ZNF737: variants seen among roughly 807,000 people sequenced by gnomAD.
ZNF737 encodes zinc finger protein 737, also known as zinc finger protein 102 (Y3).
ZNF737 carries 13 observed loss-of-function variants against 11.7 expected under a neutral mutation model. The observed-to-expected ratio is 1.11, with a 90% confidence interval of 0.73 to 1.77. The LOEUF (loss-of-function observed/expected upper bound fraction) is 1.77. Among genes scored for constraint, ZNF737 ranks in the 40% most tolerant of loss-of-function variants. The pLI is 0.00. For missense variants in ZNF737, 636 were observed against 638.0 expected (o/e 1.00, Z 0.03); for synonymous variants, 217 against 216.2 (o/e 1.00, Z -0.03).
chr19:20,539,734 T>A lies in ZNF737; in HGVS notation c.*4858A>T. The A allele has an allele frequency of 1.0e-6, 1 of 984,136 alleles. No individual in the cohort carries two copies. The highest frequency in any genetic ancestry group is 1.2e-6 in the Non-Finnish European group (1 of 828,728). The allele number at this position is 984,136 out of a possible 1,614,324, so 61.0% of individuals were successfully genotyped here. A position where few individuals can be genotyped will look rare whatever the true frequency, so the allele number is the denominator to read the frequency against. ...AAATATGAAAACAGACAATTAGGTA[T>A]ACTTTTTGAAGTAAGTTCAATTTTA... On this transcript the variant is annotated 3_prime_UTR_variant, in exon 4 of 4. Transcript: ENST00000427401.
In ZNF737 at chr19:20,538,340, C is replaced by T. The variant is rs1425535554; in HGVS notation, c.*6252G>A. Among the ~76,000 whole-genome samples, 1 of 152,200 alleles carries T rather than the reference C, an allele frequency of 6.6e-6. No individual in the cohort carries two copies. The highest frequency in any genetic ancestry group is 1.5e-5 in the Non-Finnish European group (1 of 68,032). On this transcript the variant is annotated 3_prime_UTR_variant, in exon 4 of 4. Coordinates refer to ENST00000427401, the MANE Select transcript of ZNF737 (RefSeq NM_001159293.2). Reference sequence around the variant, plus strand: ...TCCTCCTTATTTGAAGGTATTTTTACCTTTCTCAGCATTCCACAAGTTACT... The same window carrying T: ...TCCTCCTTATTTGAAGGTATTTTTATCTTTCTCAGCATTCCACAAGTTACT...
chr19:20,560,172 CAAAAAA>C (rs71172600), intron 1 of ZNF737, among the ~76,000 whole-genome samples: 1 of 70,732 alleles, frequency 1.4e-5, no homozygotes. Context: ...GACTCCGTCT[CAAAAAA>C]AAAAAAAAAA....
Position 20,542,078 on chromosome 19 carries a change from T to C in ZNF737, c.*2514A>G. 1.0e-6 allele frequency: 1 copy of C among 985,270 alleles called. No individual in the cohort carries two copies. The highest frequency in any genetic ancestry group is 1.2e-6 in the Non-Finnish European group (1 of 829,762). The allele number at this position is 985,270 out of a possible 1,614,324, so 61.0% of individuals were successfully genotyped here. On this transcript the variant is annotated 3_prime_UTR_variant, in exon 4 of 4. Coordinates refer to ENST00000427401, the MANE Select transcript of ZNF737 (RefSeq NM_001159293.2). ...ACAGTGATTACTAAAGATGTTATTT[T>C]ACAATGTATGAAATAGTATATTCCT...
chr19:20,540,182 G>C lies in ZNF737; in HGVS notation c.*4410C>G. On this transcript the variant is annotated 3_prime_UTR_variant, in exon 4 of 4. Transcript: ENST00000427401. ...GGCCACCATAAGCAGCTTACAACATGTTCTACCTAGAAGTCACTTACTTTC... is the reference window on the plus strand; with the variant it reads ...GGCCACCATAAGCAGCTTACAACATCTTCTACCTAGAAGTCACTTACTTTC... 1.0e-6 allele frequency: 1 copy of C among 984,706 alleles called. No individual in the cohort carries two copies. 61.0% of individuals were successfully genotyped at this position (984,706 alleles called of 1,614,324 possible).
chr19:20,531,011 C>T (rs1247697240), downstream of ZNF737, among the ~76,000 whole-genome samples: 18 of 148,344 alleles, frequency 1.2e-4, no homozygotes, highest in South Asian at 4.5e-4. Context: ...GGATCACTCG[C>T]GGTTAGGAGC....
In ZNF737 at chr19:20,544,712, A is replaced by G. The variant is rs782776086; in HGVS notation, c.1491T>C (p.Thr497=). 29 of 1,606,624 alleles carry G rather than the reference A, an allele frequency of 1.8e-5. No individual in the cohort carries two copies. Among genetic ancestry groups the G allele is most frequent in the African/African-American group, 2.7e-5 (2 of 73,156 alleles). ...GKAFKRSFIL[T]RHKRIHTGEK... ...CTCCAGTATGAATTCTCTTATGTCT[A>G]GTAAGGATAAAGGAGCGCTTAAAAG... The change falls in exon 4 of 4, where the codon ACT becomes ACC. Residue 497 remains threonine, a synonymous_variant. Transcript: ENST00000427401.
chr19:20,535,566 C>T (rs1455030550), downstream of ZNF737, among the ~76,000 whole-genome samples: 1 of 149,656 alleles, frequency 6.7e-6, no homozygotes, highest in East Asian at 2.0e-4. Flanking sequence ...GCTTTTGTCA[C>T]CCAAGCTGGA....
chr19:20,538,222 T>G lies in ZNF737; in HGVS notation c.*6370A>C, dbSNP rs1200979346. On this transcript the variant is annotated 3_prime_UTR_variant, in exon 4 of 4. Coordinates refer to ENST00000427401, the MANE Select transcript of ZNF737 (RefSeq NM_001159293.2). ...GCTAAGCACAATTAAAAAATCAATG[T>G]ACTTTATGTTCTTAGCTCCCACAAT... 2 of 165,542 alleles carry G rather than the reference T, an allele frequency of 1.2e-5. No homozygotes were observed. The highest frequency in any genetic ancestry group is 2.5e-5 in the Non-Finnish European group (2 of 80,230). The allele number at this position is 165,542 out of a possible 1,614,324, so 10.3% of individuals were successfully genotyped here.
At position 20,544,122 on chromosome 19, in the gene ZNF737, T is replaced by G. The variant is rs1312611949; in HGVS notation, c.*470A>C. ...CAGCTTGGATGACAAGCATGAAACT[T>G]CATCTCAAAAAAAAAAATATTGAAA... On this transcript the variant is annotated 3_prime_UTR_variant, in exon 4 of 4. Transcript: ENST00000427401. The G allele has an allele frequency of 4.0e-6, 4 of 1,000,412 alleles. No individual in the cohort carries two copies. Among genetic ancestry groups the G allele is most frequent in the Non-Finnish European group, 4.8e-6 (4 of 837,976 alleles). 62.0% of individuals were successfully genotyped at this position (1,000,412 alleles called of 1,614,324 possible).
chr19:20,557,307 T>C (rs2562619), intron 1 of ZNF737, among the ~76,000 whole-genome samples: 104,733 of 151,950 alleles, frequency 0.69, 37,733 homozygotes, highest in African/African-American at 0.91. Context: ...AGCCAAAACT[T>C]TGATCTCTTC....
chr19:20,549,947 AAT>A (rs1968606692), intron 3 of ZNF737, among the ~76,000 whole-genome samples: 1 of 144,244 alleles, frequency 6.9e-6, no homozygotes. Context: ...AAAAAAAAAA[AAT>A]TCTAGATAAC....
At position 20,541,202 on chromosome 19, in the gene ZNF737, ATAATT is replaced by A. The variant is rs1278361339; in HGVS notation, c.*3385_*3389del. ...TAGTTTTGTTAATCACCTAAATAACATAATTTGTTTTGTTGCAGTAATTGCTTTTA... is the reference window on the plus strand; with the variant it reads ...TAGTTTTGTTAATCACCTAAATAACATGTTTTGTTGCAGTAATTGCTTTTA... On this transcript the variant is annotated 3_prime_UTR_variant, in exon 4 of 4. Transcript: ENST00000427401. 5.1e-6 allele frequency: 5 copies of A among 983,222 alleles called. No homozygotes were observed. Among genetic ancestry groups the A allele is most frequent in the Admixed American group, 1.2e-4 (2 of 16,250 alleles). The allele number at this position is 983,222 out of a possible 1,614,324, so 60.9% of individuals were successfully genotyped here.
Position 20,540,810 on chromosome 19 carries a change from A to C in ZNF737, c.*3782T>G. ...GCTTTTGTTATCTACATAAACAAAG[A>C]TATCAACTGGATATAATAATTAACT... On this transcript the variant is annotated 3_prime_UTR_variant, in exon 4 of 4. Coordinates refer to ENST00000427401, the MANE Select transcript of ZNF737 (RefSeq NM_001159293.2). The C allele has an allele frequency of 5.5e-6, 5 of 913,252 alleles. No individual in the cohort carries two copies. Among genetic ancestry groups the C allele is most frequent in the Non-Finnish European group, 6.5e-6 (5 of 764,402 alleles). 56.6% of individuals were successfully genotyped at this position (913,252 alleles called of 1,614,324 possible).
chr19:20,550,437 G>A (rs1487701498), intron 3 of ZNF737, among the ~76,000 whole-genome samples: 3 of 152,134 alleles, frequency 2.0e-5, no homozygotes, highest in African/African-American at 2.4e-5. Flanking sequence ...CTAGCATATT[G>A]TCTTCAATAT....
chr19:20,535,143 T>C (rs370133281), downstream of ZNF737, among the ~76,000 whole-genome samples: 14 of 132,936 alleles, frequency 1.1e-4, 2 homozygotes, highest in African/African-American at 4.0e-4. Context: ...CCTGGTGTGG[T>C]GGCATACACT....
At position 20,545,054 on chromosome 19, in the gene ZNF737, G is replaced by A. The variant is rs781997675; in HGVS notation, c.1149C>T (p.His383=). The A allele has an allele frequency of 5.0e-6, 8 of 1,613,840 alleles. No homozygotes were observed. The South Asian group carries it at 8.8e-5, about 18-fold the overall frequency. The part of the protein sequence containing the change: ...ECGKAFNWSS[H]LTTHKRIHTG... ...TATGAATTCTCTTATGTGTAGTAAG[G>A]TGTGAGGACCAGTTGAAGGCTTTGC... The change falls in exon 4 of 4, where the codon CAC becomes CAT. Residue 383 remains histidine (H), a synonymous_variant. Transcript: ENST00000427401.
rs578068382 is a variant in ZNF737, at chr19:20,551,533, A to T, written c.226+942T>A. 5.2e-4 allele frequency among the ~76,000 whole-genome samples: 79 copies of T among 152,172 alleles called. 5 individuals carry two copies. The South Asian group carries it at 0.015, about 30-fold the overall frequency. ...TGGATCATACATCTTACATTTTAAA[A>T]ACCATAAACAGTACATTAAAACCTG... is the stretch of plus-strand genomic sequence containing the variant. On this transcript the variant is annotated intron_variant, in intron 3 of 3. Coordinates refer to ENST00000427401, the MANE Select transcript of ZNF737 (RefSeq NM_001159293.2).
intron 3 of ZNF737, 101 bp from the exon 4 acceptor site, chr19:20,546,077 T>A: frequency 1.5e-6 from 2 of 1,356,114 alleles, no homozygotes; most frequent in South Asian, 1.6e-5. Context: ...ATAAGCAAGA[T>A]GACACAGCAA....
chr19:20,542,780 A>G lies in ZNF737; in HGVS notation c.*1812T>C. ...ATAGAAAAAGTCATAATGTCCAAAT[A>G]ATGTAAAAAAATCGAATATCTCTGA... On this transcript the variant is annotated 3_prime_UTR_variant, in exon 4 of 4. Transcript: ENST00000427401. The G allele has an allele frequency of 1.0e-6, 1 of 985,248 alleles. No homozygotes were observed. The allele number at this position is 985,248 out of a possible 1,614,324, so 61.0% of individuals were successfully genotyped here. A position where few individuals can be genotyped will look rare whatever the true frequency, so the allele number is the denominator to read the frequency against.
Sources: allele counts gnomAD v4.1 joint callset (sites outside exome capture counted in the v4.1 genomes callset), GRCh38; gene constraint gnomAD v4.1.1; transcripts MANE v1.5; gene names NCBI Gene and HGNC (gene_info 2026-07-23, HGNC 2026-07-21).